The following KSR2 variants were observed in gnomAD, a reference collection of about 807,000 sequenced individuals.
KSR2 encodes kinase suppressor of ras 2.
KSR2 carries 25 observed loss-of-function variants against 107.8 expected under a neutral mutation model. The observed-to-expected ratio is 0.23, with a 90% CI of 0.17 to 0.32. KSR2 has a LOEUF of 0.32. Ranked by LOEUF, KSR2 falls within the 10% of genes least tolerant of loss-of-function variation. The pLI is 1.00. For synonymous variants in KSR2, 480 were observed against 507.0 expected (o/e 0.95, Z 0.71); for missense variants, 887 against 1,268.9 (o/e 0.70, Z 4.57).
chr12:117,528,957 T>C (rs918330603), intron 12 of KSR2, among the ~76,000 whole-genome samples: 3 of 152,224 alleles, frequency 2.0e-5, no homozygotes, highest in African/African-American at 7.2e-5. Flanking sequence ...AATTGTAGAA[T>C]TGGTTTATGT....
intron 4 of KSR2, among the ~76,000 whole-genome samples, chr12:117,687,376 G>A (rs189967132): frequency 2.6e-5 from 4 of 152,244 alleles, no homozygotes; most frequent in East Asian, 1.9e-4. Flanking sequence ...CTTTTTCCAC[G>A]AGAGTTTGAA....
At chr12:117,692,650 C>T (rs1371134067) in intron 4 of KSR2, among the ~76,000 whole-genome samples, 2 of 151,056 alleles carry the variant, frequency 1.3e-5, no homozygotes, top group Admixed American at 1.3e-4. Flanking sequence ...TGGAAACAAC[C>T]CAAATGTCCA....
At position 117,666,877 on chromosome 12, in the gene KSR2, C is replaced by G. The variant is rs1430702170; in HGVS notation, c.1171+597G>C. Among the ~76,000 whole-genome samples, 3 of 152,276 alleles carry G rather than the reference C, an allele frequency of 2.0e-5. No homozygotes were observed. The East Asian group carries it at 5.8e-4, about 29-fold the overall frequency. On this transcript the variant is annotated intron_variant, in intron 5 of 19. Transcript: ENST00000339824. ...CTCTGGGTAGAGAAGATTAAACCAG[C>G]CCTCCATCACCAAAAAGTTCCATTT...
intron 2 of KSR2, among the ~76,000 whole-genome samples, chr12:117,855,909 C>A (rs1163707223): frequency 2.6e-5 from 4 of 152,174 alleles, no homozygotes; most frequent in African/African-American, 9.6e-5. Context: ...AAGGCAGGGC[C>A]CCATTTTTTC....
chr12:117,700,232 T>C (rs1886248303), intron 4 of KSR2, among the ~76,000 whole-genome samples: 1 of 152,108 alleles, frequency 6.6e-6, no homozygotes, highest in East Asian at 1.9e-4. Context: ...ACTGTATTGT[T>C]ATCCTCATTT....
chr12:117,870,010 A>G (rs1893598694), intron 1 of KSR2, among the ~76,000 whole-genome samples: 1 of 152,240 alleles, frequency 6.6e-6, no homozygotes, highest in African/African-American at 2.4e-5. Flanking sequence ...GCTGAGATCC[A>G]CAGAGCTATT....
intron 3 of KSR2, among the ~76,000 whole-genome samples, chr12:117,839,982 A>G (rs1443200480): frequency 1.3e-5 from 2 of 152,238 alleles, no homozygotes; most frequent in Non-Finnish European, 2.9e-5. Context: ...AAGACAGAAA[A>G]TGCAGAAGGG....
chr12:117,911,880 G>T (rs940842318), intron 1 of KSR2, among the ~76,000 whole-genome samples: 3 of 152,200 alleles, frequency 2.0e-5, no homozygotes, highest in East Asian at 1.9e-4. Context: ...CAAGGCTTAT[G>T]CGTCTCCGGG....
At chr12:117,922,486 T>A (rs1019639958) in intron 1 of KSR2, among the ~76,000 whole-genome samples, 9 of 152,178 alleles carry the variant, frequency 5.9e-5, no homozygotes, top group African/African-American at 2.2e-4. Flanking sequence ...ATAACAGTCA[T>A]AAATAAAGCA....
intron 5 of KSR2, among the ~76,000 whole-genome samples, chr12:117,651,041 T>C (rs891812285): frequency 1.3e-5 from 2 of 152,112 alleles, no homozygotes; most frequent in Non-Finnish European, 2.9e-5. Context: ...ACCCTGAAAT[T>C]TGGAATGGGG....
At chr12:117,474,444 G>A (rs1208104479) in intron 17 of KSR2, among the ~76,000 whole-genome samples, 3 of 151,886 alleles carry the variant, frequency 2.0e-5, no homozygotes, top group East Asian at 1.9e-4. Flanking sequence ...GTGAGGATGC[G>A]GTGGGGGCCC....
intron 5 of KSR2, among the ~76,000 whole-genome samples, chr12:117,648,154 C>A: frequency 6.6e-6 from 1 of 152,136 alleles, no homozygotes; most frequent in Non-Finnish European, 1.5e-5. Flanking sequence ...ACATTTTACT[C>A]CATTGCCAAT....
At chr12:117,667,141 A>T (rs1422803074) in intron 5 of KSR2, among the ~76,000 whole-genome samples, 2 of 152,168 alleles carry the variant, frequency 1.3e-5, no homozygotes, top group Non-Finnish European at 2.9e-5. Context: ...AGGGAGAGAG[A>T]GGGCGGGTGC....
chr12:117,755,778 T>C (rs982337415), intron 4 of KSR2, among the ~76,000 whole-genome samples: 1 of 152,246 alleles, frequency 6.6e-6, no homozygotes, highest in Non-Finnish European at 1.5e-5. Flanking sequence ...AAAGCTAGGC[T>C]TCTTATGCCA....
intron 1 of KSR2, among the ~76,000 whole-genome samples, chr12:117,906,353 CAAAAAAA>C (rs57733205): frequency 3.4e-5 from 2 of 58,242 alleles, no homozygotes; most frequent in South Asian, 6.7e-4. Flanking sequence ...AACTCTGTCT[CAAAAAAA>C]AAAAAAAAAA....
At chr12:117,951,467 G>C (rs975205683) in intron 1 of KSR2, among the ~76,000 whole-genome samples, 2 of 152,132 alleles carry the variant, frequency 1.3e-5, no homozygotes, top group African/African-American at 4.8e-5. Flanking sequence ...CACCAATCCT[G>C]ACCAAGGATC....
intron 1 of KSR2, among the ~76,000 whole-genome samples, chr12:117,931,900 C>T (rs956513143): frequency 7.9e-5 from 12 of 152,158 alleles, no homozygotes; most frequent in African/African-American, 2.7e-4. Flanking sequence ...AGGAGGTAAA[C>T]ATCCTATTTT....
At chr12:117,731,947 A>G (rs138201521) in intron 4 of KSR2, among the ~76,000 whole-genome samples, 21 of 145,768 alleles carry the variant, frequency 1.4e-4, no homozygotes, top group African/African-American at 4.2e-4. Context: ...CCTTGTTCAC[A>G]TGTTTATCTG....
chr12:117,718,841 G>A (rs7956318), intron 4 of KSR2, among the ~76,000 whole-genome samples: 11,356 of 152,136 alleles, frequency 0.075, 568 homozygotes, highest in Non-Finnish European at 0.096. Flanking sequence ...GTTGATCCCC[G>A]CTATGTCCCC....
Sources: gnomAD v4.1 joint callset for allele counts (sites outside exome capture counted in the v4.1 genomes callset) on GRCh38, gnomAD v4.1.1 for gene constraint, MANE v1.5 for transcripts, NCBI Gene and HGNC (gene_info 2026-07-23, HGNC 2026-07-21) for gene names.